Variants in FAM221A observed in about 807,000 individuals in gnomAD.
FAM221A encodes the protein protein FAM221A.
In FAM221A, 43 loss-of-function variants were observed where a neutral mutation model predicts 37.6. That is an observed-to-expected ratio of 1.15 (90% CI 0.90 to 1.48). The LOEUF (loss-of-function observed/expected upper bound fraction) is 1.48. Ranked by LOEUF, FAM221A falls within the 40% of genes most tolerant of loss-of-function variation. The probability of loss-of-function intolerance (pLI) is 0.00; values close to 1 mark genes in which losing one functional copy is unlikely to be tolerated. For synonymous variants in FAM221A, 135 were observed against 132.9 expected (o/e 1.02, Z -0.11); for missense variants, 361 against 361.5 (o/e 1.00, Z 0.01).
chr7:23,699,115 ATTTTTTT>A (rs1185698578), intron 5 of FAM221A, among the ~76,000 whole-genome samples: 1 of 133,278 alleles, frequency 7.5e-6, no homozygotes, highest in Non-Finnish European at 1.6e-5. Flanking sequence ...CAATGCTGGA[ATTTTTTT>A]TTTTTTTTTT....
At chr7:23,692,880 C>A in intron 4 of FAM221A, 1 of 421,174 alleles carries the variant, frequency 2.4e-6, no homozygotes, top group Non-Finnish European at 3.2e-6. Flanking sequence ...TGGTGGTAGG[C>A]TAGGTTTGAA....
Position 23,689,314 on chromosome 7 carries a change from C to T in FAM221A, c.285C>T (p.Cys95=). The T allele has an allele frequency of 6.3e-7, 1 of 1,582,830 alleles. No individual in the cohort carries two copies. The highest frequency in any genetic ancestry group is 2.3e-5 in the East Asian group (1 of 44,070). The part of the protein sequence containing the change: ...KTDLEAIPQQ[C]PIDLPCQVTG... ...ACTTGGAAGCGATTCCTCAGCAGTGCCCCATTGATCTGCCCTGCCAAGTGA... is the reference window on the plus strand; with the variant it reads ...ACTTGGAAGCGATTCCTCAGCAGTGTCCCATTGATCTGCCCTGCCAAGTGA... Residue 95 remains cysteine, a synonymous_variant, in exon 3 of 7, where the codon TGC becomes TGT. Transcript: ENST00000344962.
At position 23,684,273 on chromosome 7, in the gene FAM221A, G is replaced by A. The variant is rs181898596; in HGVS notation, c.66-226G>A. The stretch of plus-strand genomic sequence containing the variant: ...CTCGGTGGGCTTTTGTTACATTCCA[G>A]CCTTTGTATAAGGACCCTGGTTCTA... On this transcript the variant is annotated intron_variant, in intron 1 of 6. Transcript: ENST00000344962. 3.3e-3 allele frequency among the ~76,000 whole-genome samples: 468 copies of A among 141,544 alleles called. 3 individuals carry two copies. Among genetic ancestry groups the A allele is most frequent in the Middle Eastern group, 0.015 (4 of 264 alleles). 92.9% of individuals were successfully genotyped at this position (141,544 alleles called of 152,430 possible). A position where few individuals can be genotyped will look rare whatever the true frequency, so the allele number is the denominator to read the frequency against.
chr7:23,691,669 TTTG>T, intron 4 of FAM221A, 73 bp downstream of exon 4: 1 of 1,250,764 alleles, frequency 8.0e-7, no homozygotes, highest in South Asian at 1.3e-5. Context: ...AAGCCTTATA[TTTG>T]TTAAGCAATT....
At chr7:23,691,253 A>G (rs1784725258) in intron 3 of FAM221A, 137 bp from the exon 4 acceptor site, 2 of 689,826 alleles carry the variant, frequency 2.9e-6, no homozygotes, top group Admixed American at 5.1e-5. Context: ...AGTGGCTAGG[A>G]AGGAGTTCGG....
intron 4 of FAM221A, among the ~76,000 whole-genome samples, chr7:23,696,645 T>C (rs1584281325): frequency 2.0e-5 from 3 of 152,312 alleles, no homozygotes; most frequent in South Asian, 2.1e-4. Context: ...ATGCAGTCCA[T>C]TGTTGACCAA....
At chr7:23,690,667 T>A (rs1784691044) in intron 3 of FAM221A, among the ~76,000 whole-genome samples, 1 of 152,212 alleles carries the variant, frequency 6.6e-6, no homozygotes, top group South Asian at 2.1e-4. Context: ...AGTTTAATGA[T>A]TTTTAATATA....
chr7:23,680,407 TG>T, intron 1 of FAM221A, 124 bp downstream of exon 1: 1 of 701,468 alleles, frequency 1.4e-6, no homozygotes, highest in Admixed American at 2.9e-5. Context: ...CCTGGGCTGT[TG>T]GGGGAGGCCT....
At chr7:23,698,438 T>C (rs1426998785) in intron 5 of FAM221A, 139 bp downstream of exon 5, 2 of 614,308 alleles carry the variant, frequency 3.3e-6, no homozygotes, top group Non-Finnish European at 5.7e-6. Context: ...TACTTTCTTT[T>C]ATGTAAGCCA....
chr7:23,700,778 C>A lies in FAM221A; in HGVS notation c.746-8C>A. 6.5e-7 allele frequency: 1 copy of A among 1,549,324 alleles called. No homozygotes were observed. The highest frequency in any genetic ancestry group is 1.2e-5 in the South Asian group (1 of 82,190). On this transcript the variant is annotated splice_polypyrimidine_tract_variant and splice_region_variant and intron_variant, in intron 5 of 6. Coordinates refer to ENST00000344962, the MANE Select transcript of FAM221A (RefSeq NM_199136.5). Reference sequence around the variant, plus strand: ...AAATACATTACTTAGATTTTTTTTCCTTGTTAGTAGGTACAAGTAGTCAAG... The same window carrying A: ...AAATACATTACTTAGATTTTTTTTCATTGTTAGTAGGTACAAGTAGTCAAG...
chr7:23,687,471 T>C (rs923474741), intron 2 of FAM221A: 5 of 152,316 alleles, frequency 3.3e-5, no homozygotes, highest in African/African-American at 1.2e-4. Context: ...GTGTATAATG[T>C]AGCTGATGTA....
In FAM221A at chr7:23,691,593, A is replaced by T. The variant is rs1346772787; in HGVS notation, c.634A>T (p.Ile212Phe). The T allele has an allele frequency of 6.2e-7, 1 of 1,613,222 alleles. No homozygotes were observed. Among genetic ancestry groups the T allele is most frequent in the Non-Finnish European group, 8.5e-7 (1 of 1,179,176 alleles). The part of the protein sequence containing the change: ...EGYMRLDDSG[I>F]GVPSVEFLES... ...CTACATGCGGTTAGATGACAGTGGG[A>T]TTGGTAAGTGATACTATATGAAATG... Residue 212 changes from isoleucine to phenylalanine, a missense_variant, in exon 4 of 7, where the codon ATT becomes TTT. Ile to Phe is a conservative substitution (Grantham distance 21, BLOSUM62 0). Coordinates refer to ENST00000344962, the MANE Select transcript of FAM221A (RefSeq NM_199136.5).
chr7:23,683,395 C>T (rs955504142), intron 1 of FAM221A, among the ~76,000 whole-genome samples: 3 of 152,058 alleles, frequency 2.0e-5, no homozygotes, highest in Admixed American at 1.3e-4. Context: ...ATTTAGGTTC[C>T]GCATTAGTTT....
chr7:23,680,802 G>GACCGC (rs1783988078), intron 1 of FAM221A: 1 of 152,902 alleles, frequency 6.5e-6, no homozygotes, highest in African/African-American at 2.4e-5. Context: ...TCATTGTCCT[G>GACCGC]GATCCTGACC....
chr7:23,693,767 A>C (rs984737785), intron 4 of FAM221A: 27 of 152,076 alleles, frequency 1.8e-4, no homozygotes, highest in Non-Finnish European at 1.5e-4. Context: ...TTTTTGTCTA[A>C]ATTGATGGCC....
rs1442168811 is a variant in FAM221A at position 23,691,441 on chromosome 7, C to A, written c.482C>A (p.Pro161His). ...TGCTTCACTTGTGCTTGTGGTCAGCCTGCATATGCCCATGACACAGTAGTG... is the reference window on the plus strand; with the variant it reads ...TGCTTCACTTGTGCTTGTGGTCAGCATGCATATGCCCATGACACAGTAGTG... The part of the protein sequence containing the change: ...HSCFTCACGQ[P>H]AYAHDTVVET... The change falls in exon 4 of 7, where the codon CCT becomes CAT. Residue 161 changes from proline (P) to histidine (H), a missense_variant. Coordinates refer to ENST00000344962, the MANE Select transcript of FAM221A (RefSeq NM_199136.5). 4 of 1,614,066 alleles carry A rather than the reference C, an allele frequency of 2.5e-6. No homozygotes were observed. The African/African-American group carries it at 5.3e-5, about 22-fold the overall frequency.
chr7:23,685,256 G>GCAAAA (rs58823921), intron 2 of FAM221A, among the ~76,000 whole-genome samples: 7,252 of 148,780 alleles, frequency 0.049, 221 homozygotes, highest in Non-Finnish European at 0.067. Flanking sequence ...TCAAAACAAA[G>GCAAAA]CAAAACAAAA....
At position 23,691,388 on chromosome 7, in the gene FAM221A, A is replaced by C. The variant is rs1784733617; in HGVS notation, c.431-2A>C. The stretch of plus-strand genomic sequence containing the variant: ...TTTAACTCCCTTTACATCTTGATTC[A>C]GGTTCCAAGTGTTCAGGATTCCATA... On this transcript the variant is annotated splice_acceptor_variant, in intron 3 of 6. Transcript: ENST00000344962. LOFTEE classifies it high-confidence loss of function. 1 of 1,613,666 alleles carries C rather than the reference A, an allele frequency of 6.2e-7. No homozygotes were observed. Among genetic ancestry groups the C allele is most frequent in the Non-Finnish European group, 8.5e-7 (1 of 1,179,722 alleles).
chr7:23,695,094 G>A (rs1270988250), intron 4 of FAM221A, among the ~76,000 whole-genome samples: 2 of 152,026 alleles, frequency 1.3e-5, no homozygotes, highest in Non-Finnish European at 1.5e-5. Flanking sequence ...CCAACCTCCC[G>A]AGTAGCTGTG....
Sources: allele counts gnomAD v4.1 joint callset (sites outside exome capture counted in the v4.1 genomes callset), GRCh38; gene constraint gnomAD v4.1.1; transcripts MANE v1.5; gene names NCBI Gene and HGNC (gene_info 2026-07-23, HGNC 2026-07-21).